Variants in OTOF observed in about 807,000 individuals in gnomAD.
OTOF encodes fer-1-like family member 2.
A neutral mutation model predicts 236.8 loss-of-function variants in OTOF; 218 were observed. That is an observed-to-expected ratio of 0.92 (90% CI 0.82 to 1.03). OTOF has a LOEUF of 1.03. Ranked by LOEUF, OTOF falls within the 50% of genes least tolerant of loss-of-function variation. OTOF has a pLI of 0.00. For missense variants in OTOF, 2,590 were observed against 2,694.4 expected, an observed-to-expected ratio of 0.96 and a Z score of 0.86; for synonymous variants, 1,041 against 1,072.5, an observed-to-expected ratio of 0.97 and a Z score of 0.57.
intron 7 of OTOF, among the ~76,000 whole-genome samples, 193 bp from the exon 8 acceptor site, chr2:26,502,001 A>G (rs1007040777): frequency 2.6e-5 from 4 of 152,194 alleles, no homozygotes; most frequent in Non-Finnish European, 5.9e-5. Context: ...CAAAGGCAGA[A>G]GTAACAGAGA....
intron 39 of OTOF, 136 bp from the exon 40 acceptor site, chr2:26,464,242 A>C: frequency 9.1e-7 from 1 of 1,103,828 alleles, no homozygotes; most frequent in African/African-American, 1.5e-5. Flanking sequence ...ACTGTTGGGG[A>C]AACTGAGGCA....
intron 1 of OTOF, among the ~76,000 whole-genome samples, chr2:26,541,548 C>T (rs1667212717): frequency 6.6e-6 from 1 of 152,170 alleles, no homozygotes; most frequent in Admixed American, 6.5e-5. Flanking sequence ...AGGGTATGTA[C>T]AAACAGTGGC....
chr2:26,463,509 C>T lies in OTOF; in HGVS notation c.5166G>A (p.Leu1722=), dbSNP rs1315495145. ...TCTTGGGCTTCCGAGGTGAGATGTC[C>T]AGAGGCGTCCCAGGGGCTGGCATGT... is the stretch of plus-strand genomic sequence containing the variant. The part of the protein sequence containing the change: ...PMDMPAPGTP[L]DISPRKPKKY... The change falls in exon 41 of 47, where the codon CTG becomes CTA. Residue 1722 remains leucine (L), a synonymous_variant. Transcript: ENST00000272371. 1.9e-6 allele frequency: 3 copies of T among 1,608,012 alleles called. No individual in the cohort carries two copies. The highest frequency in any genetic ancestry group is 1.1e-5 in the South Asian group (1 of 89,388).
At chr2:26,490,352 A>G (rs1457987161) in intron 9 of OTOF, among the ~76,000 whole-genome samples, 1 of 152,246 alleles carries the variant, frequency 6.6e-6, no homozygotes, top group Non-Finnish European at 1.5e-5. Flanking sequence ...CGCAAGCCTC[A>G]GAGCAGATGA....
At chr2:26,545,315 T>C (rs1462042643) in intron 1 of OTOF, among the ~76,000 whole-genome samples, 1 of 152,208 alleles carries the variant, frequency 6.6e-6, no homozygotes, top group African/African-American at 2.4e-5. Context: ...TTCTATGGAG[T>C]GTCTCTTCAA....
rs74943491 is a variant in OTOF at position 26,540,476 on chromosome 2, G to A, written c.80-2702C>T. ...TGAACCTTCCCTGTGATGGGTCTGG[G>A]GGCTGGGCAAGGAAGGGGGCTCAGC... is the stretch of plus-strand genomic sequence containing the variant. On this transcript the variant is annotated intron_variant, in intron 1 of 46. Transcript: ENST00000272371. Among the ~76,000 whole-genome samples, 1,113 of 152,310 alleles carry A rather than the reference G, an allele frequency of 7.3e-3. 7 individuals carry two copies. The highest frequency in any genetic ancestry group is 0.023 in the Admixed American group (347 of 15,306).
At chr2:26,493,726 G>T (rs547671942) in intron 9 of OTOF, among the ~76,000 whole-genome samples, 1 of 152,154 alleles carries the variant, frequency 6.6e-6, no homozygotes, top group Non-Finnish European at 1.5e-5. Flanking sequence ...TTGGGAAATC[G>T]AAACTTAAGT....
chr2:26,473,037 C>A lies in OTOF; in HGVS notation c.3733+95G>T. 1 of 1,376,598 alleles carries A rather than the reference C, an allele frequency of 7.3e-7. No homozygotes were observed. Among genetic ancestry groups the A allele is most frequent in the Non-Finnish European group, 1.0e-6 (1 of 997,784 alleles). 85.3% of individuals were successfully genotyped at this position (1,376,598 alleles called of 1,614,324 possible). ...TGCCCACCCCCTCGGCCCCAAAGAG[C>A]AAACTCTGGTCGCGGCTTGGACTGG... On this transcript the variant is annotated intron_variant, in intron 29 of 46. Transcript: ENST00000272371. This position sits in a 1 kb window ranked among gnomAD's most constrained non-coding sequence, Gnocchi z 7.2.
intron 2 of OTOF, among the ~76,000 whole-genome samples, chr2:26,534,097 G>A (rs1038996356): frequency 1.3e-5 from 2 of 152,176 alleles, no homozygotes; most frequent in African/African-American, 2.4e-5. Flanking sequence ...GAATCAGATA[G>A]ACTCGGGTTT....
chr2:26,460,677 C>T lies in OTOF; in HGVS notation c.5783G>A (p.Arg1928His), dbSNP rs369843419. The change falls in exon 45 of 47, where the codon CGC (arginine) becomes CAC (histidine). Residue 1928 changes from arginine to histidine, a missense_variant. Arg to His is a conservative substitution (Grantham distance 29, BLOSUM62 0). Transcript: ENST00000272371. This position sits in a 1 kb window ranked among gnomAD's most constrained non-coding sequence, Gnocchi z 5.3. The part of the protein sequence containing the change: ...EAEKNPVGLA[R>H]NEPDPLEKPN... The stretch of plus-strand genomic sequence containing the variant: ...TTTCTCTAGGGGGTCAGGTTCATTG[C>T]GGGCCAGGCCCACTGGGTTCTTCTC... The T allele has an allele frequency of 1.1e-5, 18 of 1,614,022 alleles. No homozygotes were observed. In the African/African-American group the frequency reaches 1.5e-4, roughly 13 times the overall value.
intron 35 of OTOF, 55 bp from the exon 36 acceptor site, chr2:26,466,906 CA>C (rs1664754193): frequency 6.2e-7 from 1 of 1,611,736 alleles, no homozygotes; most frequent in South Asian, 1.1e-5. Flanking sequence ...GGGTGGCATT[CA>C]AAATAGCTAA....
chr2:26,498,075 C>T (rs1666032298), intron 8 of OTOF, among the ~76,000 whole-genome samples: 2 of 152,242 alleles, frequency 1.3e-5, no homozygotes, highest in South Asian at 4.1e-4. Flanking sequence ...AAGTCCTCTT[C>T]CCACTGCCAA....
chr2:26,514,267 G>A (rs982602910), intron 5 of OTOF, among the ~76,000 whole-genome samples: 5 of 152,242 alleles, frequency 3.3e-5, no homozygotes, highest in African/African-American at 7.2e-5. Context: ...GCCTGGCTTC[G>A]GCTGTCACCC....
At position 26,496,099 on chromosome 2, in the gene OTOF, A is replaced by T. The variant is rs144886234; in HGVS notation, c.766-1026T>A. ...CCTTTATGTGGCGTCCAGCTCTGCA[A>T]TCTTACTTATATCCTGGGAAGCCCT... is the stretch of plus-strand genomic sequence containing the variant. On this transcript the variant is annotated intron_variant, in intron 8 of 46. Coordinates refer to ENST00000272371, the MANE Select transcript of OTOF (RefSeq NM_194248.3). 5.6e-3 allele frequency among the ~76,000 whole-genome samples: 848 copies of T among 152,296 alleles called. 7 individuals are homozygous for T. The highest frequency in any genetic ancestry group is 0.016 in the African/African-American group (679 of 41,558).
rs1024016041 is a variant in OTOF, at chr2:26,458,091, G to A, written c.*147C>T. On this transcript the variant is annotated 3_prime_UTR_variant, in exon 47 of 47. Transcript: ENST00000272371. The stretch of plus-strand genomic sequence containing the variant: ...TGTAGCCAGGGAGGCTGTAGAGGAA[G>A]AGCCCCAACATGAGCAGCCCCAACA... 25 of 1,614,100 alleles carry A rather than the reference G, an allele frequency of 1.5e-5. No homozygotes were observed. Among genetic ancestry groups the A allele is most frequent in the Non-Finnish European group, 2.1e-5 (25 of 1,180,036 alleles).
At chr2:26,503,718 C>T (rs1215342834) in intron 6 of OTOF, 54 bp downstream of exon 6, 4 of 1,514,268 alleles carry the variant, frequency 2.6e-6, no homozygotes, top group Non-Finnish European at 3.7e-6. Context: ...TGGAAAGCGG[C>T]GGGAGGGCGC....
At chr2:26,506,883 C>T (rs574885480) in intron 5 of OTOF, among the ~76,000 whole-genome samples, 3 of 152,190 alleles carry the variant, frequency 2.0e-5, no homozygotes, top group East Asian at 1.9e-4. Flanking sequence ...CCCAGTTACT[C>T]GGGAGGCTGA....
intron 3 of OTOF, among the ~76,000 whole-genome samples, chr2:26,520,594 C>T (rs11896528): frequency 0.99 from 150,724 of 152,246 alleles, 74,623 homozygotes; most frequent in Middle Eastern, 1. Context: ...GCTTCTGGGC[C>T]CTTAGAGCAG....
chr2:26,492,113 G>A (rs945518302), intron 9 of OTOF, among the ~76,000 whole-genome samples: 2 of 152,174 alleles, frequency 1.3e-5, no homozygotes, highest in African/African-American at 4.8e-5. Flanking sequence ...ACAAAGCTTT[G>A]GGGCTGGAAA....
Sources: allele counts gnomAD v4.1 joint callset (sites outside exome capture counted in the v4.1 genomes callset), GRCh38; gene constraint gnomAD v4.1.1; non-coding constraint Gnocchi (gnomAD v3.1); transcripts MANE v1.5; gene names NCBI Gene and HGNC (gene_info 2026-07-23, HGNC 2026-07-21).